The following CFTR variants were observed in gnomAD, a reference collection of about 807,000 sequenced individuals.
CFTR encodes cystic fibrosis transmembrane conductance regulator.
A neutral mutation model predicts 171.6 loss-of-function variants in CFTR; 181 were observed. The ratio of observed to expected loss-of-function variants is 1.05; its 90% CI spans 0.93 to 1.19. The LOEUF is 1.19. Ranked by LOEUF, CFTR falls within the 50% of genes most tolerant of loss-of-function variation. CFTR has a pLI of 0.00. For synonymous variants in CFTR, 583 were observed against 608.0 expected, an observed-to-expected ratio of 0.96 and a Z score of 0.60; for missense variants, 1,968 against 1,734.7, an observed-to-expected ratio of 1.13 and a Z score of -2.39.
At position 117,667,956 on chromosome 7, in the gene CFTR, T is replaced by G. The variant is rs1793411561; in HGVS notation, c.*848T>G. 6.6e-6 allele frequency: 1 copy of G among 152,312 alleles called. No homozygotes were observed. 9.4% of individuals were successfully genotyped at this position (152,312 alleles called of 1,614,324 possible). On this transcript the variant is annotated 3_prime_UTR_variant, in exon 27 of 27. Transcript: ENST00000003084. ...ACTAGAGTTTAGCTGGAAAAGTATG[T>G]TAGTGCAAATTGTCACAGGACAGCC...
At chr7:117,515,688 G>T (rs192136387) in intron 3 of CFTR, among the ~76,000 whole-genome samples, 2 of 152,238 alleles carry the variant, frequency 1.3e-5, no homozygotes, top group Admixed American at 1.3e-4. Flanking sequence ...ATTCTGTGAA[G>T]AATGTCAATG....
intron 12 of CFTR, among the ~76,000 whole-genome samples, chr7:117,589,368 G>C (rs918141440): frequency 1.3e-5 from 2 of 151,800 alleles, no homozygotes; most frequent in African/African-American, 4.8e-5. Context: ...TTTTAAATTG[G>C]CTTTAAAAAT....
intron 25 of CFTR, 89 bp downstream of exon 25, chr7:117,664,949 G>A (rs1793349080): frequency 7.1e-7 from 1 of 1,401,324 alleles, no homozygotes; most frequent in South Asian, 1.2e-5. Flanking sequence ...CTATTAGGCT[G>A]TCATGTCTGC....
chr7:117,540,204 A>G lies in CFTR; in HGVS notation c.974A>G (p.Tyr325Cys), dbSNP rs373998255. The G allele has an allele frequency of 3.4e-5, 55 of 1,613,902 alleles. No individual in the cohort carries two copies. The highest frequency in any genetic ancestry group is 4.3e-5 in the Non-Finnish European group (51 of 1,179,966). ...FFVVFLSVLP[Y>C]ALIKGIILRK... ...GTGGTGTTTTTATCTGTGCTTCCCTATGCACTAATCAAAGGAATCATCCTC... is the reference window on the plus strand; with the variant it reads ...GTGGTGTTTTTATCTGTGCTTCCCTGTGCACTAATCAAAGGAATCATCCTC... Residue 325 changes from tyrosine (Y) to cysteine (C), a missense_variant, in exon 8 of 27, where the codon TAT becomes TGT. Coordinates refer to ENST00000003084, the MANE Select transcript of CFTR (RefSeq NM_000492.4).
chr7:117,535,269 G>C lies in CFTR; in HGVS notation c.601G>C (p.Val201Leu). The C allele has an allele frequency of 1.2e-6, 2 of 1,614,046 alleles. No individual in the cohort carries two copies. Among genetic ancestry groups the C allele is most frequent in the South Asian group, 1.1e-5 (1 of 91,078 alleles). Residue 201 changes from valine (V) to leucine (L), a missense_variant, in exon 6 of 27, where the codon GTG becomes CTG. Val to Leu is a conservative substitution (Grantham distance 32). Coordinates refer to ENST00000003084, the MANE Select transcript of CFTR (RefSeq NM_000492.4). ...FDEGLALAHF[V>L]WIAPLQVALL... ...CCAGGGACTTGCATTGGCACATTTCGTGTGGATCGCTCCTTTGCAAGTGGC... is the reference window on the plus strand; with the variant it reads ...CCAGGGACTTGCATTGGCACATTTCCTGTGGATCGCTCCTTTGCAAGTGGC...
intron 11 of CFTR, among the ~76,000 whole-genome samples, chr7:117,576,767 C>A (rs2115989006): frequency 6.6e-6 from 1 of 152,210 alleles, no homozygotes; most frequent in East Asian, 1.9e-4. Flanking sequence ...AGCAAAAGTG[C>A]AGCTCAGAAG....
intron 24 of CFTR, among the ~76,000 whole-genome samples, chr7:117,659,622 C>T (rs1793234517): frequency 6.6e-6 from 1 of 152,186 alleles, no homozygotes; most frequent in Non-Finnish European, 1.5e-5. Context: ...CCCCTGTGGG[C>T]TATCTCAGGG....
chr7:117,516,458 C>G (rs1475127275), intron 3 of CFTR, among the ~76,000 whole-genome samples: 1 of 151,996 alleles, frequency 6.6e-6, no homozygotes, highest in Non-Finnish European at 1.5e-5. Flanking sequence ...TGGTATTTAT[C>G]TTAAATTACA....
In CFTR at chr7:117,606,770, A is replaced by G; in HGVS notation, c.2988+17A>G. 1 of 1,307,060 alleles carries G rather than the reference A, an allele frequency of 7.7e-7. No individual in the cohort carries two copies. The highest frequency in any genetic ancestry group is 1.1e-6 in the Non-Finnish European group (1 of 900,634). The allele number at this position is 1,307,060 out of a possible 1,614,324, so 81.0% of individuals were successfully genotyped here. Reference sequence around the variant, plus strand: ...TTCATCCAGGTATGTAAAAATAAGTACCGTTAAGTATGTCTGTATTATTAA... The same window carrying G: ...TTCATCCAGGTATGTAAAAATAAGTGCCGTTAAGTATGTCTGTATTATTAA... On this transcript the variant is annotated intron_variant, in intron 18 of 26. Coordinates refer to ENST00000003084, the MANE Select transcript of CFTR (RefSeq NM_000492.4).
At chr7:117,495,083 A>AT (rs1798217282) in intron 1 of CFTR, among the ~76,000 whole-genome samples, 1 of 152,122 alleles carries the variant, frequency 6.6e-6, no homozygotes, top group Admixed American at 6.6e-5. Flanking sequence ...TTTCAAATAT[A>AT]TTTTTATTGC....
At chr7:117,666,532 A>G (rs777625173) in intron 26 of CFTR, among the ~76,000 whole-genome samples, 2 of 152,176 alleles carry the variant, frequency 1.3e-5, no homozygotes, top group African/African-American at 2.4e-5. Context: ...ATCCTGACCA[A>G]TTTGGAATTC....
intron 3 of CFTR, among the ~76,000 whole-genome samples, chr7:117,512,136 G>A (rs1374622818): frequency 6.6e-6 from 1 of 152,106 alleles, no homozygotes; most frequent in Non-Finnish European, 1.5e-5. Flanking sequence ...GACTGATAGA[G>A]AAAAGTACTA....
At chr7:117,644,744 A>G (rs1405750225) in intron 23 of CFTR, among the ~76,000 whole-genome samples, 1 of 152,190 alleles carries the variant, frequency 6.6e-6, no homozygotes, top group Non-Finnish European at 1.5e-5. Flanking sequence ...GTAGCTAGAC[A>G]GCAATCTTGG....
intron 10 of CFTR, among the ~76,000 whole-genome samples, chr7:117,551,746 A>G (rs892136761): frequency 1.4e-4 from 21 of 152,214 alleles, no homozygotes; most frequent in African/African-American, 4.8e-4. Context: ...AGAATTTTGC[A>G]TCACTGGATG....
intron 9 of CFTR, among the ~76,000 whole-genome samples, chr7:117,545,376 A>G (rs957348942): frequency 1.3e-5 from 2 of 152,112 alleles, no homozygotes; most frequent in African/African-American, 4.8e-5. Context: ...CTGGCTTTTT[A>G]TGTTCTCCGT....
chr7:117,603,770 A>C lies in CFTR; in HGVS notation c.2896A>C (p.Thr966Pro). ...VLQAPMSTLN[T>P]LKAGGILNRF... ...TCAAGCACCTATGTCAACCCTCAAC[A>C]CGTTGAAAGCAGGTACTTTACTAGG... The change falls in exon 17 of 27, where the codon ACG becomes CCG. Residue 966 changes from threonine to proline, a missense_variant. Coordinates refer to ENST00000003084, the MANE Select transcript of CFTR (RefSeq NM_000492.4). The C allele has an allele frequency of 6.2e-7, 1 of 1,613,870 alleles. No homozygotes were observed.
intron 10 of CFTR, among the ~76,000 whole-genome samples, chr7:117,550,758 G>A (rs1799256091): frequency 6.6e-6 from 1 of 152,154 alleles, no homozygotes; most frequent in Non-Finnish European, 1.5e-5. Context: ...TAAAATTGAT[G>A]AGCAGATAAT....
chr7:117,590,351 A>C lies in CFTR; in HGVS notation c.1680-2A>C. 1.2e-6 allele frequency: 2 copies of C among 1,602,220 alleles called. No homozygotes were observed. The highest frequency in any genetic ancestry group is 1.7e-6 in the Non-Finnish European group (2 of 1,171,560). ...GTAATTTAATTTCCATTTTCTTTTT[A>C]GAGCAGTATACAAAGATGCTGATTT... On this transcript the variant is annotated splice_acceptor_variant, in intron 12 of 26. Coordinates refer to ENST00000003084, the MANE Select transcript of CFTR (RefSeq NM_000492.4). LOFTEE classifies it high-confidence loss of function.
At chr7:117,605,645 G>T (rs1792290050) in intron 17 of CFTR, among the ~76,000 whole-genome samples, 1 of 152,140 alleles carries the variant, frequency 6.6e-6, no homozygotes, top group South Asian at 2.1e-4. Flanking sequence ...GTTGAGAAAG[G>T]GAGGAAACAT....
Sources: gnomAD v4.1 joint callset for allele counts (sites outside exome capture counted in the v4.1 genomes callset) on GRCh38, gnomAD v4.1.1 for gene constraint, MANE v1.5 for transcripts, NCBI Gene and HGNC (gene_info 2026-07-23, HGNC 2026-07-21) for gene names.